Variants in DTNA observed in about 807,000 individuals in gnomAD.
The protein encoded by DTNA is dystrophin-related protein 3.
A neutral mutation model predicts 100.7 loss-of-function variants in DTNA; 43 were observed. That is an observed-to-expected ratio of 0.43 (90% CI 0.33 to 0.55). DTNA has a LOEUF of 0.55. Among genes scored for constraint, DTNA ranks in the 20% least tolerant of loss-of-function variants. The pLI, the probability that DTNA is intolerant of heterozygous loss-of-function variation, is 0.04. For missense variants in DTNA, 798 were observed against 953.9 expected, an observed-to-expected ratio of 0.84 and a Z score of 2.15; for synonymous variants, 349 against 347.9, an observed-to-expected ratio of 1.00 and a Z score of -0.04.
intron 1 of DTNA, among the ~76,000 whole-genome samples, chr18:34,569,083 T>G (rs1962303592): frequency 6.6e-6 from 1 of 152,206 alleles, no homozygotes; most frequent in African/African-American, 2.4e-5. Context: ...TCAAGTAAAT[T>G]GTGCCCCTAC....
intron 1 of DTNA, among the ~76,000 whole-genome samples, chr18:34,649,730 A>G (rs1170510034): frequency 6.6e-6 from 1 of 152,084 alleles, no homozygotes; most frequent in Non-Finnish European, 1.5e-5. Flanking sequence ...TCTTTTTGAT[A>G]TCTACTCCAG....
At chr18:34,563,942 C>T (rs543708011) in intron 1 of DTNA, among the ~76,000 whole-genome samples, 2 of 151,914 alleles carry the variant, frequency 1.3e-5, no homozygotes, top group Non-Finnish European at 2.9e-5. Context: ...TATTCATATC[C>T]ATCACCTCAC....
intron 11 of DTNA, among the ~76,000 whole-genome samples, chr18:34,830,714 C>T (rs1180501597): frequency 6.6e-6 from 1 of 152,148 alleles, no homozygotes; most frequent in African/African-American, 2.4e-5. Context: ...CACATGTGTA[C>T]ATTCAGTGTT....
At chr18:34,519,103 G>T (rs2041935767) in intron 1 of DTNA, among the ~76,000 whole-genome samples, 1 of 152,162 alleles carries the variant, frequency 6.6e-6, no homozygotes, top group Admixed American at 6.5e-5. Context: ...TTATCCAAAA[G>T]GATAAAACAA....
chr18:34,785,220 A>G (rs2094469707), intron 3 of DTNA, among the ~76,000 whole-genome samples: 1 of 152,098 alleles, frequency 6.6e-6, no homozygotes, highest in Non-Finnish European at 1.5e-5. Flanking sequence ...CCCCTGAAAT[A>G]TTTGATTTGA....
chr18:34,636,406 T>A (rs1248962987), intron 1 of DTNA, among the ~76,000 whole-genome samples: 1 of 152,192 alleles, frequency 6.6e-6, no homozygotes, highest in African/African-American at 2.4e-5. Flanking sequence ...TAAACTGTAA[T>A]CCCACAGTGC....
At chr18:34,770,155 G>A (rs1171470072) in intron 3 of DTNA, among the ~76,000 whole-genome samples, 1 of 152,152 alleles carries the variant, frequency 6.6e-6, no homozygotes, top group Non-Finnish European at 1.5e-5. Context: ...ATTTGGTGGG[G>A]CACAAACATT....
chr18:34,688,644 A>T (rs929128013), intron 1 of DTNA, among the ~76,000 whole-genome samples: 8 of 152,000 alleles, frequency 5.3e-5, no homozygotes, highest in Non-Finnish European at 1.2e-4. Context: ...CTTGAGGAGT[A>T]TCTTTGTGGT....
intron 1 of DTNA, chr18:34,573,949 T>G (rs1416084749): frequency 6.6e-6 from 1 of 152,444 alleles, no homozygotes; most frequent in African/African-American, 2.4e-5. Context: ...CATTTGTGTG[T>G]GTGTGGCACT....
intron 1 of DTNA, among the ~76,000 whole-genome samples, chr18:34,522,751 A>G (rs1488658372): frequency 6.6e-6 from 1 of 152,160 alleles, no homozygotes; most frequent in Admixed American, 6.5e-5. Flanking sequence ...AGCTCTCACC[A>G]CAGTATACCC....
At chr18:34,780,810 C>T (rs764545792) in intron 3 of DTNA, among the ~76,000 whole-genome samples, 1 of 152,140 alleles carries the variant, frequency 6.6e-6, no homozygotes, top group Non-Finnish European at 1.5e-5. Flanking sequence ...AAACTGAAAC[C>T]AGGAAGGGAG....
chr18:34,742,225 G>A (rs2090774575), intron 1 of DTNA, among the ~76,000 whole-genome samples: 1 of 152,138 alleles, frequency 6.6e-6, no homozygotes. Context: ...GTTTCCTCTT[G>A]TTGATCTAAC....
At chr18:34,844,214 G>T (rs2096331023) in intron 13 of DTNA, among the ~76,000 whole-genome samples, 1 of 152,104 alleles carries the variant, frequency 6.6e-6, no homozygotes, top group Non-Finnish European at 1.5e-5. Context: ...CAATAAAGGA[G>T]TTTAAAGGTC....
At chr18:34,847,355 AAGGC>A (rs1313266862) in intron 13 of DTNA, among the ~76,000 whole-genome samples, 1 of 152,182 alleles carries the variant, frequency 6.6e-6, no homozygotes, top group Non-Finnish European at 1.5e-5. Flanking sequence ...GTAAATATAA[AAGGC>A]AGGTTATAAA....
Position 34,890,258 on chromosome 18 carries a change from T to C in DTNA, c.*2524T>C. 1.3e-6 allele frequency: 2 copies of C among 1,520,752 alleles called. No homozygotes were observed. Among genetic ancestry groups the C allele is most frequent in the East Asian group, 4.9e-5 (2 of 40,706 alleles). The allele number at this position is 1,520,752 out of a possible 1,614,324, so 94.2% of individuals were successfully genotyped here. A position where few individuals can be genotyped will look rare whatever the true frequency, so the allele number is the denominator to read the frequency against. On this transcript the variant is annotated 3_prime_UTR_variant, in exon 23 of 23. Transcript: ENST00000444659. ...CAAGGACTCTGGAAACTGCCGCCAA[T>C]GACCAATTTCTGACTAACCAGCCAC...
At chr18:34,703,606 C>T (rs889017729) in intron 1 of DTNA, among the ~76,000 whole-genome samples, 1 of 152,170 alleles carries the variant, frequency 6.6e-6, no homozygotes, top group Non-Finnish European at 1.5e-5. Flanking sequence ...AAGGAGCATG[C>T]CTCCCAGATT....
At chr18:34,660,507 T>C (rs1227916744) in intron 1 of DTNA, among the ~76,000 whole-genome samples, 1 of 152,018 alleles carries the variant, frequency 6.6e-6, no homozygotes, top group Non-Finnish European at 1.5e-5. Context: ...TGCAAAGCTA[T>C]TGCTTGTGGG....
intron 3 of DTNA, among the ~76,000 whole-genome samples, chr18:34,789,072 A>C (rs2094609196): frequency 6.6e-6 from 1 of 152,214 alleles, no homozygotes; most frequent in Non-Finnish European, 1.5e-5. Flanking sequence ...TTTTATTAAT[A>C]AAATTTGCCC....
At chr18:34,781,930 G>GAGAC (rs1331659437) in intron 3 of DTNA, among the ~76,000 whole-genome samples, 13 of 152,278 alleles carry the variant, frequency 8.5e-5, no homozygotes, top group Admixed American at 7.2e-4. Context: ...GGACAAGTAG[G>GAGAC]AGACAGTTCC....
Sources: allele counts gnomAD v4.1 joint callset (sites outside exome capture counted in the v4.1 genomes callset), GRCh38; gene constraint gnomAD v4.1.1; transcripts MANE v1.5; gene names NCBI Gene and HGNC (gene_info 2026-07-23, HGNC 2026-07-21).